Variants in LOXL2 observed in about 807,000 individuals in gnomAD.
LOXL2 encodes lysyl oxidase like 2.
A neutral mutation model predicts 93.0 loss-of-function variants in LOXL2; 70 were observed. The ratio of observed to expected loss-of-function variants is 0.75; its 90% confidence interval spans 0.62 to 0.92. The LOEUF is 0.92. Ranked by LOEUF, LOXL2 falls within the 40% of genes least tolerant of loss-of-function variation. The pLI, the probability that LOXL2 is intolerant of heterozygous loss-of-function variation, is 0.00. For missense variants in LOXL2, 973 were observed against 1,054.9 expected, an observed-to-expected ratio of 0.92 and a Z score of 1.08; for synonymous variants, 438 against 413.2, an observed-to-expected ratio of 1.06 and a Z score of -0.73.
intron 1 of LOXL2, among the ~76,000 whole-genome samples, chr8:23,388,414 C>CA (rs201753746): frequency 7.7e-4 from 117 of 151,408 alleles, no homozygotes; most frequent in African/African-American, 2.6e-3. Context: ...CCTGTCTCTA[C>CA]AAAAAAATTT....
chr8:23,380,034 G>A (rs4493910), intron 1 of LOXL2, among the ~76,000 whole-genome samples: 88,832 of 152,046 alleles, frequency 0.58, 26,550 homozygotes, highest in East Asian at 0.76. Context: ...CGTTGCTCAC[G>A]CTGGCAGACG....
intron 1 of LOXL2, among the ~76,000 whole-genome samples, chr8:23,403,159 G>A (rs1405062480): frequency 6.6e-6 from 1 of 152,172 alleles, no homozygotes; most frequent in Non-Finnish European, 1.5e-5. Context: ...AAGCGCCTGC[G>A]TAAAAGTTGT....
At chr8:23,305,097 T>C (rs565087432) in intron 10 of LOXL2, among the ~76,000 whole-genome samples, 1 of 152,214 alleles carries the variant, frequency 6.6e-6, no homozygotes, top group Admixed American at 6.5e-5. Context: ...AGAAAGTCTA[T>C]TTTGGCTTCT....
chr8:23,335,063 C>T (rs1279148125), intron 4 of LOXL2, among the ~76,000 whole-genome samples: 1 of 152,160 alleles, frequency 6.6e-6, no homozygotes, highest in Non-Finnish European at 1.5e-5. Context: ...AATCTGCCTC[C>T]CTCGGCCTCC....
intron 1 of LOXL2, among the ~76,000 whole-genome samples, chr8:23,378,560 G>A (rs911881792): frequency 6.6e-5 from 10 of 152,090 alleles, no homozygotes; most frequent in South Asian, 2.1e-4. Flanking sequence ...CATTCTCCCC[G>A]TCACTTTCAG....
intron 2 of LOXL2, 52 bp downstream of exon 2, chr8:23,367,945 C>T (rs1804431914): frequency 6.7e-7 from 1 of 1,501,168 alleles, no homozygotes. Context: ...GGGAAGGCCA[C>T]TCCGGGCCTT....
At chr8:23,351,492 T>C (rs989122616) in intron 3 of LOXL2, among the ~76,000 whole-genome samples, 10 of 152,228 alleles carry the variant, frequency 6.6e-5, no homozygotes, top group African/African-American at 2.4e-4. Context: ...TCTTCAAAGT[T>C]TGAGTACATC....
intron 1 of LOXL2, among the ~76,000 whole-genome samples, chr8:23,391,321 G>A (rs756937608): frequency 3.3e-5 from 5 of 152,192 alleles, no homozygotes; most frequent in Non-Finnish European, 7.3e-5. Context: ...CAGCATCTGA[G>A]AGTGGTCTCA....
chr8:23,303,399 TG>T lies in LOXL2; in HGVS notation c.1881-3del. 1 of 1,571,542 alleles carries T rather than the reference TG, an allele frequency of 6.4e-7. No individual in the cohort carries two copies. ...AACACCTCCATGCTGTGGTAGTGCC[TG>T]GAGCGAGAGAGAGATGGCCTGGAGG... On this transcript the variant is annotated splice_polypyrimidine_tract_variant and splice_region_variant and intron_variant, in intron 10 of 13. Transcript: ENST00000389131.
Position 23,368,022 on chromosome 8 carries a change from G to T in LOXL2, c.330C>A (p.Ala110=). ...CTTCTCCCTTGCCGTAGGAGGAGCT[G>T]GCAGTCCAGGACTTGGCCTCCACGT... ...LGYVEAKSWT[A]SSSYGKGEGP... Residue 110 remains alanine, a synonymous_variant, in exon 2 of 14, where the codon GCC becomes GCA. Coordinates refer to ENST00000389131, the MANE Select transcript of LOXL2 (RefSeq NM_002318.3). 6.2e-7 allele frequency: 1 copy of T among 1,613,404 alleles called. No homozygotes were observed.
At chr8:23,344,749 G>A (rs1452923383) in intron 3 of LOXL2, among the ~76,000 whole-genome samples, 1 of 152,048 alleles carries the variant, frequency 6.6e-6, no homozygotes, top group East Asian at 1.9e-4. Context: ...TTGTGGTGGA[G>A]GAAATTCTGA....
At chr8:23,310,649 G>GT (rs1479685674) in intron 9 of LOXL2, among the ~76,000 whole-genome samples, 1 of 152,154 alleles carries the variant, frequency 6.6e-6, no homozygotes, top group Non-Finnish European at 1.5e-5. Context: ...ATATATCTCT[G>GT]TAAGTGAAAG....
intron 1 of LOXL2, among the ~76,000 whole-genome samples, chr8:23,381,155 T>A (rs1320472314): frequency 3.9e-5 from 6 of 152,146 alleles, no homozygotes; most frequent in Admixed American, 3.9e-4. Flanking sequence ...CGTATTGCTT[T>A]GTAAACTGCT....
intron 1 of LOXL2, among the ~76,000 whole-genome samples, chr8:23,388,766 G>A (rs1337286620): frequency 6.6e-6 from 1 of 151,868 alleles, no homozygotes; most frequent in East Asian, 1.9e-4. Flanking sequence ...TATACATTAG[G>A]TATGTGCAAA....
At chr8:23,344,122 G>C (rs1420290169) in intron 3 of LOXL2, among the ~76,000 whole-genome samples, 1 of 152,236 alleles carries the variant, frequency 6.6e-6, no homozygotes, top group Non-Finnish European at 1.5e-5. Flanking sequence ...CCGCTGGAAA[G>C]AGCTACGCGG....
intron 1 of LOXL2, among the ~76,000 whole-genome samples, chr8:23,398,286 C>G (rs1800119275): frequency 6.6e-6 from 1 of 152,206 alleles, no homozygotes; most frequent in African/African-American, 2.4e-5. Flanking sequence ...AAGATACCCT[C>G]AGCACTTTGT....
chr8:23,398,577 T>C (rs185721686), intron 1 of LOXL2, among the ~76,000 whole-genome samples: 4 of 152,286 alleles, frequency 2.6e-5, no homozygotes, highest in Non-Finnish European at 1.5e-5. Context: ...TGCCTGGTAA[T>C]AGTATTTCTG....
In LOXL2 at chr8:23,385,963, C is replaced by A. The variant is rs766409117; in HGVS notation, c.-83-17529G>T. ...GCAGCACATTGCAAGTGTTTGGTGG[C>A]CCCATATGGTGGTGGCTGCCATACT... On this transcript the variant is annotated intron_variant, in intron 1 of 13. Transcript: ENST00000389131. 3.0e-5 allele frequency: 23 copies of A among 765,166 alleles called. 1 individual carries two copies. In the South Asian group the frequency reaches 3.1e-4, roughly 10 times the overall value. The allele number at this position is 765,166 out of a possible 1,614,324, so 47.4% of individuals were successfully genotyped here. A position where few individuals can be genotyped will look rare whatever the true frequency, so the allele number is the denominator to read the frequency against.
At chr8:23,380,785 G>A (rs1804671400) in intron 1 of LOXL2, among the ~76,000 whole-genome samples, 1 of 152,062 alleles carries the variant, frequency 6.6e-6, no homozygotes, top group African/African-American at 2.4e-5. Flanking sequence ...AGGCTAAGGT[G>A]GCCAATCGCT....
Sources: gnomAD v4.1 joint callset for allele counts (sites outside exome capture counted in the v4.1 genomes callset) on GRCh38, gnomAD v4.1.1 for gene constraint, MANE v1.5 for transcripts, NCBI Gene and HGNC (gene_info 2026-07-23, HGNC 2026-07-21) for gene names.